The following BBS1 variants were observed in gnomAD, a reference collection of about 807,000 sequenced individuals.
BBS1 encodes BBSome complex member BBS1.
BBS1 carries 60 observed loss-of-function variants against 73.9 expected under a neutral mutation model. That is an observed-to-expected ratio of 0.81 (90% CI 0.66 to 1.01). The LOEUF is 1.01. Ranked by LOEUF, BBS1 falls within the 50% of genes least tolerant of loss-of-function variation. BBS1 has a pLI of 0.00. For missense variants in BBS1, 718 were observed against 770.3 expected, an observed-to-expected ratio of 0.93 and a Z score of 0.80; for synonymous variants, 283 against 317.4, an observed-to-expected ratio of 0.89 and a Z score of 1.15.
At chr11:66,524,256 G>A in intron 11 of BBS1, 1 of 346,134 alleles carries the variant, frequency 2.9e-6, no homozygotes, top group Non-Finnish European at 5.7e-6. Context: ...CTTCAGCCTG[G>A]ACAACAGAGC....
chr11:66,524,356 C>CT, intron 11 of BBS1: 1 of 261,248 alleles, frequency 3.8e-6, no homozygotes, highest in Non-Finnish European at 7.5e-6. Flanking sequence ...AAAATGATGA[C>CT]TAAGTCCTTG....
chr11:66,515,864 T>C lies in BBS1; in HGVS notation c.522T>C (p.Phe174=), dbSNP rs758473104. The C allele has an allele frequency of 1.2e-6, 2 of 1,614,208 alleles. No individual in the cohort carries two copies. Among genetic ancestry groups the C allele is most frequent in the Admixed American group, 3.3e-5 (2 of 60,016 alleles). Residue 174 remains phenylalanine, a synonymous_variant, in exon 7 of 17, where the codon TTT becomes TTC. Coordinates refer to ENST00000318312, the MANE Select transcript of BBS1 (RefSeq NM_024649.5). ...EEPLSIQSLR[F]LQLELSEMEA... is the part of the protein sequence containing the mutation. ...TGCCAGTTCTCTGTGTGTCTAGGTT[T>C]CTGCAGCTGGAGCTAAGTGAAATGG...
chr11:66,526,422 C>T (rs190635419), intron 12 of BBS1, among the ~76,000 whole-genome samples: 17 of 152,314 alleles, frequency 1.1e-4, no homozygotes, highest in African/African-American at 3.8e-4. Context: ...GTGCCTGCCA[C>T]GATGCCAGGA....
intron 8 of BBS1, 36 bp downstream of exon 8, chr11:66,519,784 C>G (rs760846895): frequency 1.6e-5 from 26 of 1,610,126 alleles, no homozygotes; most frequent in Non-Finnish European, 2.2e-5. Flanking sequence ...CCGCTGGAGG[C>G]CCAGGCTGCA....
At chr11:66,524,203 C>G in intron 11 of BBS1, 1 of 381,144 alleles carries the variant, frequency 2.6e-6, no homozygotes, top group South Asian at 2.1e-5. Flanking sequence ...TCGCTTGAGC[C>G]TGGGAGGCGG....
intron 9 of BBS1, chr11:66,523,200 T>C (rs895687565): frequency 2.5e-5 from 15 of 612,044 alleles, no homozygotes; most frequent in African/African-American, 9.1e-5. Flanking sequence ...ATAGTGAAGG[T>C]GGGCGGAAGA....
chr11:66,533,390 C>T lies in BBS1; in HGVS notation c.*1353C>T, dbSNP rs1856859576. 6.6e-6 allele frequency: 1 copy of T among 152,230 alleles called. No homozygotes were observed. Among genetic ancestry groups the T allele is most frequent in the Non-Finnish European group, 1.5e-5 (1 of 68,034 alleles). 9.4% of individuals were successfully genotyped at this position (152,230 alleles called of 1,614,324 possible). ...TTCATTCAGCTATTTTTAAAATGTG[C>T]TTATATGACTCTTGCTTGATATATC... On this transcript the variant is annotated 3_prime_UTR_variant, in exon 17 of 17. Transcript: ENST00000318312.
In BBS1 at chr11:66,523,512, T is replaced by G. The variant is rs145094101; in HGVS notation, c.887T>G (p.Ile296Ser). 6.2e-7 allele frequency: 1 copy of G among 1,614,072 alleles called. No homozygotes were observed. Among genetic ancestry groups the G allele is most frequent in the Non-Finnish European group, 8.5e-7 (1 of 1,179,992 alleles). Reference protein sequence around the residue: ...IELSAQPVGLIRVHKVLVVGS... With the variant: ...IELSAQPVGLSRVHKVLVVGS... ...CTGAGCGCCCAGCCTGTGGGACTTA[T>G]CCGGGTACACAAGGTCCTAGTGGTG... The change falls in exon 10 of 17, where the codon ATC becomes AGC. Residue 296 changes from isoleucine (I) to serine (S), a missense_variant. By Grantham distance (142) the Ile-to-Ser change is moderately radical. Transcript: ENST00000318312.
chr11:66,532,915 A>G lies in BBS1; in HGVS notation c.*878A>G, dbSNP rs1015088456. 6.6e-6 allele frequency: 1 copy of G among 152,254 alleles called. No homozygotes were observed. The highest frequency in any genetic ancestry group is 1.5e-5 in the Non-Finnish European group (1 of 68,048). The allele number at this position is 152,254 out of a possible 1,614,324, so 9.4% of individuals were successfully genotyped here. A position where few individuals can be genotyped will look rare whatever the true frequency, so the allele number is the denominator to read the frequency against. Reference sequence around the variant, plus strand: ...GAGGCAGAAGTCCAGAACTGCCCATATAGATGCCCTTCTACATCCTGGAGC... The same window carrying G: ...GAGGCAGAAGTCCAGAACTGCCCATGTAGATGCCCTTCTACATCCTGGAGC... On this transcript the variant is annotated 3_prime_UTR_variant, in exon 17 of 17. Coordinates refer to ENST00000318312, the MANE Select transcript of BBS1 (RefSeq NM_024649.5).
chr11:66,516,073 T>C, intron 7 of BBS1, 140 bp downstream of exon 7: 1 of 821,040 alleles, frequency 1.2e-6, no homozygotes, highest in Non-Finnish European at 2.1e-6. Flanking sequence ...GCCATGTGTG[T>C]GTAGTCATAA....
intron 9 of BBS1, among the ~76,000 whole-genome samples, chr11:66,522,134 G>A (rs1408320114): frequency 8.2e-5 from 12 of 146,598 alleles, no homozygotes; most frequent in South Asian, 6.6e-4. Flanking sequence ...GGAGAATGGC[G>A]TGAACCTGGG....
Position 66,526,677 on chromosome 11 carries a change from G to A in BBS1, c.1209G>A (p.Lys403=). 2 of 1,614,218 alleles carry A rather than the reference G, an allele frequency of 1.2e-6. No individual in the cohort carries two copies. Among genetic ancestry groups the A allele is most frequent in the Non-Finnish European group, 1.7e-6 (2 of 1,180,040 alleles). Residue 403 remains lysine (K), a synonymous_variant, in exon 13 of 17, where the codon AAG becomes AAA. Transcript: ENST00000318312. ...GTGGCCTGATCATCAAGATCCTGAAGCGTACAGCAGTGTTTGTAGAGGGAG... is the reference window on the plus strand; with the variant it reads ...GTGGCCTGATCATCAAGATCCTGAAACGTACAGCAGTGTTTGTAGAGGGAG... ...RGGGLIIKIL[K]RTAVFVEGGS... is the part of the protein sequence containing the mutation.
intron 7 of BBS1, among the ~76,000 whole-genome samples, chr11:66,517,284 C>A (rs1309312302): frequency 1.3e-5 from 2 of 151,324 alleles, no homozygotes; most frequent in African/African-American, 4.9e-5. Flanking sequence ...ACAAGGGGAT[C>A]TTTTTTGTTT....
chr11:66,515,612 C>G (rs780278102), intron 5 of BBS1, 26 bp downstream of exon 5: 20 of 1,611,892 alleles, frequency 1.2e-5, no homozygotes, highest in Non-Finnish European at 1.6e-5. Flanking sequence ...CCCCTTCATA[C>G]CCCCCTCACT....
chr11:66,527,062 A>C, intron 13 of BBS1: 2 of 1,513,582 alleles, frequency 1.3e-6, no homozygotes, highest in Non-Finnish European at 1.8e-6. Context: ...TCACTTCCAA[A>C]CGCAGGAATT....
At chr11:66,528,455 A>ATTTTC (rs1856614231) in intron 13 of BBS1, among the ~76,000 whole-genome samples, 1 of 152,168 alleles carries the variant, frequency 6.6e-6, no homozygotes, top group South Asian at 2.1e-4. Context: ...GAGGGGACTT[A>ATTTTC]CCCTATCAGG....
At chr11:66,518,335 G>A (rs1056420620) in intron 7 of BBS1, among the ~76,000 whole-genome samples, 23 of 151,982 alleles carry the variant, frequency 1.5e-4, no homozygotes, top group Admixed American at 1.3e-3. Flanking sequence ...TCAGCTCACT[G>A]CAACCTCCAT....
chr11:66,521,099 T>C, intron 8 of BBS1, 171 bp from the exon 9 acceptor site: 1 of 673,038 alleles, frequency 1.5e-6, no homozygotes. Context: ...TAAAAGGCTT[T>C]TGCTAAATGT....
chr11:66,515,614 C>A lies in BBS1; in HGVS notation c.479+28C>A, dbSNP rs755025377. The A allele has an allele frequency of 5.6e-6, 9 of 1,614,162 alleles. No individual in the cohort carries two copies. In the South Asian group the frequency reaches 9.9e-5, roughly 18 times the overall value. ...GAGAGGCTGCCTTCCCCTTCATACC[C>A]CCCTCACTCCTTCATCCCATCTGAG... On this transcript the variant is annotated intron_variant, in intron 5 of 16. Coordinates refer to ENST00000318312, the MANE Select transcript of BBS1 (RefSeq NM_024649.5).
Sources: gnomAD v4.1 joint callset for allele counts (sites outside exome capture counted in the v4.1 genomes callset) on GRCh38, gnomAD v4.1.1 for gene constraint, MANE v1.5 for transcripts, NCBI Gene and HGNC (gene_info 2026-07-23, HGNC 2026-07-21) for gene names.